Variants in CNTNAP2 observed in about 807,000 individuals in gnomAD.
CNTNAP2 encodes the protein contactin-associated protein-like 2.
CNTNAP2 carries 98 observed loss-of-function variants against 155.2 expected under a neutral mutation model. The ratio of observed to expected loss-of-function variants is 0.63; its 90% CI spans 0.54 to 0.75. The LOEUF is 0.75. Among genes scored for constraint, CNTNAP2 ranks in the 30% least tolerant of loss-of-function variants. The pLI is 0.00. For synonymous variants in CNTNAP2, 651 were observed against 631.2 expected (o/e 1.03, Z -0.47); for missense variants, 1,727 against 1,688.1 (o/e 1.02, Z -0.40).
At chr7:147,800,944 C>T (rs1338859834) in intron 13 of CNTNAP2, among the ~76,000 whole-genome samples, 1 of 152,166 alleles carries the variant, frequency 6.6e-6, no homozygotes, top group Non-Finnish European at 1.5e-5. Context: ...TACCAGATAG[C>T]CTAGGTGAGT....
intron 11 of CNTNAP2, chr7:147,497,256 C>G (rs545789547): frequency 3.9e-5 from 6 of 152,100 alleles, no homozygotes; most frequent in Non-Finnish European, 7.3e-5. Context: ...GTTTCATCAC[C>G]CAGTTTCATC....
intron 4 of CNTNAP2, among the ~76,000 whole-genome samples, chr7:147,061,740 C>T (rs75615465): frequency 0.051 from 7,731 of 150,852 alleles, no homozygotes; most frequent in African/African-American, 0.16. Flanking sequence ...CCCAAAATAG[C>T]AACCAATTAC....
chr7:146,531,718 T>C (rs1169619846), intron 1 of CNTNAP2, among the ~76,000 whole-genome samples: 2 of 152,074 alleles, frequency 1.3e-5, no homozygotes, highest in African/African-American at 4.8e-5. Flanking sequence ...CTAATTTTTG[T>C]ATTTTTAGTA....
At chr7:147,577,017 T>C (rs554408179) in intron 12 of CNTNAP2, among the ~76,000 whole-genome samples, 2 of 152,184 alleles carry the variant, frequency 1.3e-5, no homozygotes, top group South Asian at 4.1e-4. Context: ...AGCCTATGAG[T>C]TGACTATCCA....
chr7:148,207,819 A>G (rs1352983102), intron 18 of CNTNAP2, among the ~76,000 whole-genome samples: 2 of 152,156 alleles, frequency 1.3e-5, no homozygotes, highest in Non-Finnish European at 2.9e-5. Context: ...AGAAGTCATC[A>G]CAGCGTGGTG....
At chr7:147,463,431 T>C (rs1031142529) in intron 10 of CNTNAP2, among the ~76,000 whole-genome samples, 13 of 152,202 alleles carry the variant, frequency 8.5e-5, no homozygotes, top group Admixed American at 8.5e-4. Flanking sequence ...GAGCTTCTAC[T>C]ATATCTCACG....
chr7:147,852,386 G>C (rs1381543875), intron 13 of CNTNAP2, among the ~76,000 whole-genome samples: 15 of 152,068 alleles, frequency 9.9e-5, no homozygotes, highest in Non-Finnish European at 2.1e-4. Flanking sequence ...GAAAAGTTCT[G>C]ATTCCTTGAT....
chr7:146,854,665 C>A (rs1320270016), intron 3 of CNTNAP2, among the ~76,000 whole-genome samples: 1 of 152,112 alleles, frequency 6.6e-6, no homozygotes, highest in African/African-American at 2.4e-5. Flanking sequence ...ACACTTAGTA[C>A]ATAGATACTT....
chr7:147,677,068 TA>T (rs1795880633), intron 13 of CNTNAP2, among the ~76,000 whole-genome samples: 1 of 40,112 alleles, frequency 2.5e-5, no homozygotes, highest in South Asian at 1.4e-3. Flanking sequence ...TCTGTTTCAT[TA>T]ATTTTTTTTT....
At position 146,376,705 on chromosome 7, in the gene CNTNAP2, A is replaced by G. The variant is rs560222728; in HGVS notation, c.97+259732A>G. On this transcript the variant is annotated intron_variant, in intron 1 of 23. Transcript: ENST00000361727. ...CGGTATAAATGCATGTGTCTCATCCAAATCTCTATTGTTGTAACCAAAGAC... is the reference window on the plus strand; with the variant it reads ...CGGTATAAATGCATGTGTCTCATCCGAATCTCTATTGTTGTAACCAAAGAC... Among the ~76,000 whole-genome samples, 18 of 152,286 alleles carry G rather than the reference A, an allele frequency of 1.2e-4. No homozygotes were observed. In the East Asian group the frequency reaches 3.5e-3, roughly 29 times the overall value.
intron 15 of CNTNAP2, among the ~76,000 whole-genome samples, chr7:148,062,842 T>C (rs551386984): frequency 3.3e-5 from 5 of 152,230 alleles, no homozygotes; most frequent in African/African-American, 9.6e-5. Flanking sequence ...GAAGTTATAG[T>C]AGGGAGGATC....
At chr7:146,790,920 TCA>T (rs530408883) in intron 2 of CNTNAP2, among the ~76,000 whole-genome samples, 21 of 149,716 alleles carry the variant, frequency 1.4e-4, no homozygotes, top group Non-Finnish European at 2.4e-4. Context: ...TTTGAGTACC[TCA>T]GTCTTTTTTT....
rs537644519 is a variant in CNTNAP2 at position 146,190,164 on chromosome 7, TTTG to T, written c.97+73194_97+73196del. Among the ~76,000 whole-genome samples, 232 of 152,276 alleles carry T rather than the reference TTTG, an allele frequency of 1.5e-3. 1 individual carries two copies. Among genetic ancestry groups the T allele is most frequent in the Middle Eastern group, 0.01 (3 of 294 alleles). ...AAATGATGCAAACCTCATGCGTTCGTTTGTTAATTAGGAGACTGAACATTCATT... is the reference window on the plus strand; with the variant it reads ...AAATGATGCAAACCTCATGCGTTCGTTTAATTAGGAGACTGAACATTCATT... On this transcript the variant is annotated intron_variant, in intron 1 of 23. Transcript: ENST00000361727.
chr7:148,217,191 C>A, intron 18 of CNTNAP2, 97 bp from the exon 19 acceptor site: 1 of 1,148,250 alleles, frequency 8.7e-7, no homozygotes, highest in Non-Finnish European at 1.3e-6. Flanking sequence ...CTTCCTGGAG[C>A]CAGTGCCTGC....
At chr7:148,066,754 T>C (rs1369330404) in intron 15 of CNTNAP2, among the ~76,000 whole-genome samples, 1 of 152,168 alleles carries the variant, frequency 6.6e-6, no homozygotes, top group Non-Finnish European at 1.5e-5. Context: ...TGCCTCAACC[T>C]CCCAAAGTGC....
chr7:148,059,008 C>T (rs994883350), intron 15 of CNTNAP2, among the ~76,000 whole-genome samples: 1 of 151,858 alleles, frequency 6.6e-6, no homozygotes, highest in Non-Finnish European at 1.5e-5. Context: ...ATCAAGGGCT[C>T]GGTGGCTCAT....
intron 1 of CNTNAP2, among the ~76,000 whole-genome samples, chr7:146,732,006 C>T (rs1340539550): frequency 6.6e-6 from 1 of 152,050 alleles, no homozygotes; most frequent in Non-Finnish European, 1.5e-5. Flanking sequence ...GCCCAAATTA[C>T]ACAATTATTC....
chr7:148,316,092 C>T (rs1440227448), intron 21 of CNTNAP2, among the ~76,000 whole-genome samples: 1 of 152,026 alleles, frequency 6.6e-6, no homozygotes, highest in African/African-American at 2.4e-5. Context: ...AAATAGATGG[C>T]AAGAACATGG....
At chr7:147,324,374 A>G (rs1225103093) in intron 9 of CNTNAP2, among the ~76,000 whole-genome samples, 1 of 152,214 alleles carries the variant, frequency 6.6e-6, no homozygotes, top group Non-Finnish European at 1.5e-5. Flanking sequence ...AACAGTGTGC[A>G]TGATTTAAGC....
Sources: gnomAD v4.1 joint callset for allele counts (sites outside exome capture counted in the v4.1 genomes callset) on GRCh38, gnomAD v4.1.1 for gene constraint, MANE v1.5 for transcripts, NCBI Gene and HGNC (gene_info 2026-07-23, HGNC 2026-07-21) for gene names.